The following PLCL2 variants were observed in gnomAD, a reference collection of about 807,000 sequenced individuals.
PLCL2 encodes phospholipase C like 2.
PLCL2 carries 4 observed loss-of-function variants against 79.6 expected under a neutral mutation model. That is an observed-to-expected ratio of 0.05 (90% CI 0.02 to 0.11). The LOEUF is 0.11. PLCL2 is among the 10% of genes least tolerant of loss of function. The probability of loss-of-function intolerance (pLI) is 1.00; values close to 1 mark genes in which losing one functional copy is unlikely to be tolerated. For synonymous variants in PLCL2, 484 were observed against 457.7 expected (o/e 1.06, Z -0.73); for missense variants, 895 against 1,291.0 (o/e 0.69, Z 4.70).
intron 1 of PLCL2, among the ~76,000 whole-genome samples, chr3:16,976,577 A>G (rs1387820404): frequency 2.6e-5 from 4 of 152,222 alleles, no homozygotes. Context: ...CCTTCACAGC[A>G]ACACCTAGAC....
intron 3 of PLCL2, among the ~76,000 whole-genome samples, chr3:17,017,368 TA>T (rs1229837664): frequency 6.6e-6 from 1 of 152,206 alleles, no homozygotes; most frequent in Non-Finnish European, 1.5e-5. Context: ...AATAAGCTAA[TA>T]AAATATTTAA....
intron 4 of PLCL2, among the ~76,000 whole-genome samples, chr3:17,061,952 C>T (rs1311863250): frequency 6.6e-6 from 1 of 152,104 alleles, no homozygotes; most frequent in African/African-American, 2.4e-5. Context: ...ACTATTTATA[C>T]CCTTAGTTCT....
chr3:16,885,346 C>G lies in PLCL2; in HGVS notation c.307C>G (p.Arg103Gly), dbSNP rs537937691. The G allele has an allele frequency of 1.5e-6, 1 of 651,544 alleles. No individual in the cohort carries two copies. Among genetic ancestry groups the G allele is most frequent in the Non-Finnish European group, 2.8e-6 (1 of 361,146 alleles). The allele number at this position is 651,544 out of a possible 1,614,324, so 40.4% of individuals were successfully genotyped here. The change falls in exon 1 of 6, where the codon CGC becomes GGC. Residue 103 changes from arginine to glycine, a missense_variant. Arg to Gly is a moderately radical substitution (Grantham distance 125). Around this residue, in one of 6 missense-constraint regions of PLCL2, gnomAD observed 110 missense variants for 42.9 expected, o/e 2.56. Transcript: ENST00000615277. The stretch of plus-strand genomic sequence containing the variant: ...GGAGAGCAAGCCGGGCGGCCTGCCC[C>G]GCCGGAGCAGCATCATCAAGGTAGG... ...PRESKPGGLP[R>G]RSSIIKDGTK...
intron 3 of PLCL2, among the ~76,000 whole-genome samples, chr3:17,017,830 T>C (rs2064403395): frequency 6.6e-6 from 1 of 151,960 alleles, no homozygotes; most frequent in Admixed American, 6.6e-5. Flanking sequence ...CTAGACTGTA[T>C]TAATAAAATA....
chr3:16,891,711 T>C (rs1206878299), intron 1 of PLCL2, among the ~76,000 whole-genome samples: 1 of 152,252 alleles, frequency 6.6e-6, no homozygotes, highest in African/African-American at 2.4e-5. Context: ...CCTTTAACTC[T>C]CAAAGGCATC....
At chr3:17,067,118 A>T (rs1407880264) in intron 4 of PLCL2, among the ~76,000 whole-genome samples, 1 of 152,220 alleles carries the variant, frequency 6.6e-6, no homozygotes. Context: ...TAGCATAACC[A>T]CAGAGAGAAA....
At chr3:16,905,784 T>C (rs1244803951) in intron 1 of PLCL2, among the ~76,000 whole-genome samples, 2 of 152,204 alleles carry the variant, frequency 1.3e-5, no homozygotes, top group Admixed American at 6.5e-5. Flanking sequence ...CTCCTCAGAA[T>C]AGCGACAGCA....
chr3:17,076,891 C>T (rs184787792), intron 5 of PLCL2, among the ~76,000 whole-genome samples: 21 of 152,258 alleles, frequency 1.4e-4, no homozygotes, highest in African/African-American at 4.8e-4. Context: ...TCTGTAATAT[C>T]TAATCTGCCA....
intron 1 of PLCL2, among the ~76,000 whole-genome samples, chr3:16,992,654 G>C (rs753961507): frequency 6.6e-6 from 1 of 152,188 alleles, no homozygotes; most frequent in Non-Finnish European, 1.5e-5. Context: ...CCTGCATAGC[G>C]AAGCAGGTGG....
intron 1 of PLCL2, among the ~76,000 whole-genome samples, chr3:16,946,192 A>T (rs2063599104): frequency 6.6e-6 from 1 of 152,160 alleles, no homozygotes; most frequent in Admixed American, 6.6e-5. Context: ...GAAGAGAAGA[A>T]GGGGAAAGGT....
chr3:17,022,120 G>A (rs184044631), intron 3 of PLCL2, among the ~76,000 whole-genome samples: 92 of 152,182 alleles, frequency 6.0e-4, no homozygotes, highest in African/African-American at 2.1e-3. Flanking sequence ...GGCAAAGGCA[G>A]ATTGCTAATT....
At position 17,031,929 on chromosome 3, in the gene PLCL2, C is replaced by CTT. The variant is rs35640259; in HGVS notation, c.3019-10926_3019-10925dup. ...TTCTGTTTTGTTGCTCAATTTTCAC[C>CTT]TTTTTTTTTTTTTTTTTTTTGCTTT... On this transcript the variant is annotated intron_variant, in intron 3 of 5. Transcript: ENST00000615277. Among the ~76,000 whole-genome samples the CTT allele has an allele frequency of 4.8e-3, 528 of 108,970 alleles. 9 individuals carry two copies. Among genetic ancestry groups the CTT allele is most frequent in the African/African-American group, 0.018 (508 of 28,424 alleles). The allele number at this position is 108,970 out of a possible 152,430, so 71.5% of individuals were successfully genotyped here.
At chr3:17,045,463 G>A (rs1015319719) in intron 4 of PLCL2, among the ~76,000 whole-genome samples, 3 of 152,104 alleles carry the variant, frequency 2.0e-5, no homozygotes, top group Admixed American at 6.6e-5. Flanking sequence ...AAGAGGAAGC[G>A]TGGCAGGAGA....
At chr3:16,948,716 A>G (rs1250381229) in intron 1 of PLCL2, among the ~76,000 whole-genome samples, 6 of 152,190 alleles carry the variant, frequency 3.9e-5, no homozygotes, top group Non-Finnish European at 4.4e-5. Context: ...CTCTATTTAG[A>G]TGGGAATGAA....
At chr3:17,001,609 T>A (rs1460899712) in intron 1 of PLCL2, among the ~76,000 whole-genome samples, 1 of 152,124 alleles carries the variant, frequency 6.6e-6, no homozygotes, top group Non-Finnish European at 1.5e-5. Flanking sequence ...TTGAAGAGAC[T>A]GTCCTTTCCT....
intron 1 of PLCL2, among the ~76,000 whole-genome samples, chr3:16,890,952 A>C (rs1436176290): frequency 6.6e-6 from 1 of 152,242 alleles, no homozygotes; most frequent in African/African-American, 2.4e-5. Context: ...CTGGCAGGAC[A>C]CTTGGCACCC....
chr3:17,082,383 C>T (rs961283149), intron 5 of PLCL2, among the ~76,000 whole-genome samples: 3 of 151,946 alleles, frequency 2.0e-5, no homozygotes, highest in South Asian at 2.1e-4. Context: ...CCGCCCGCCT[C>T]GGCCTCCCAA....
intron 5 of PLCL2, 74 bp from the exon 6 acceptor site, chr3:17,089,659 A>G: frequency 1.1e-6 from 1 of 869,938 alleles, no homozygotes; most frequent in Middle Eastern, 2.4e-4. Context: ...ATTTCAGTGA[A>G]AGATAGATAT....
chr3:16,944,773 T>A (rs563211323), intron 1 of PLCL2, among the ~76,000 whole-genome samples: 7 of 151,580 alleles, frequency 4.6e-5, no homozygotes, highest in African/African-American at 9.7e-5. Flanking sequence ...TTTTTTTTTT[T>A]ATTTGAGACA....
Sources: allele counts gnomAD v4.1 joint callset (sites outside exome capture counted in the v4.1 genomes callset), GRCh38; gene constraint gnomAD v4.1.1; regional missense constraint gnomAD v4.1.1; transcripts MANE v1.5; gene names NCBI Gene and HGNC (gene_info 2026-07-23, HGNC 2026-07-21).